Variants in MCTP1 observed in about 807,000 individuals in gnomAD.
MCTP1 encodes multiple C2 and transmembrane domain containing 1, also known as multiple C2 and transmembrane domain-containing protein 1.
A neutral mutation model predicts 120.6 loss-of-function variants in MCTP1; 69 were observed. The ratio of observed to expected loss-of-function variants is 0.57; its 90% CI spans 0.47 to 0.70. The LOEUF is 0.70. Among genes scored for constraint, MCTP1 ranks in the 30% least tolerant of loss-of-function variants. The pLI is 0.00. For missense variants in MCTP1, 1,203 were observed against 1,248.8 expected (o/e 0.96, Z 0.55); for synonymous variants, 529 against 493.1 (o/e 1.07, Z -0.96).
At chr5:94,777,521 T>C (rs1775638099) in intron 19 of MCTP1, among the ~76,000 whole-genome samples, 1 of 152,138 alleles carries the variant, frequency 6.6e-6, no homozygotes, top group South Asian at 2.1e-4. Context: ...AGGGTTTCCA[T>C]TTATTAACAT....
intron 1 of MCTP1, among the ~76,000 whole-genome samples, chr5:95,192,720 G>A (rs1398364256): frequency 6.6e-6 from 1 of 151,998 alleles, no homozygotes; most frequent in Non-Finnish European, 1.5e-5. Flanking sequence ...TTACCTATTG[G>A]TAATTTTCAG....
rs190600770 is a variant in MCTP1, at chr5:95,159,827, G to A, written c.720+124029C>T. 5.3e-4 allele frequency among the ~76,000 whole-genome samples: 80 copies of A among 152,224 alleles called. No individual in the cohort carries two copies. The Middle Eastern group carries it at 0.024, about 45-fold the overall frequency. On this transcript the variant is annotated intron_variant, in intron 1 of 22. Coordinates refer to ENST00000515393, the MANE Select transcript of MCTP1 (RefSeq NM_024717.7). ...AGGGAAGCATCAAGTTCTACCTAGAGTGATCATAGAGATCTTCTCTAAAGG... is the reference window on the plus strand; with the variant it reads ...AGGGAAGCATCAAGTTCTACCTAGAATGATCATAGAGATCTTCTCTAAAGG...
At chr5:95,120,176 CAA>C (rs56354602) in intron 1 of MCTP1, among the ~76,000 whole-genome samples, 2 of 118,222 alleles carry the variant, frequency 1.7e-5, no homozygotes, top group Non-Finnish European at 3.3e-5. Context: ...GACTCCATCT[CAA>C]AAAAAAAAAA....
chr5:94,739,513 G>T (rs934060090), intron 19 of MCTP1: 1 of 152,166 alleles, frequency 6.6e-6, no homozygotes, highest in Non-Finnish European at 1.5e-5. Flanking sequence ...CGAATAAGAA[G>T]ATGAGTTGAT....
At chr5:94,921,934 G>C (rs1335718494) in intron 7 of MCTP1, among the ~76,000 whole-genome samples, 11 of 152,190 alleles carry the variant, frequency 7.2e-5, no homozygotes, top group Admixed American at 1.3e-4. Flanking sequence ...GGACTCTACT[G>C]CTGTAAGTTC....
chr5:95,006,309 ATATATGTATG>A (rs1834744710), intron 2 of MCTP1, among the ~76,000 whole-genome samples: 1 of 151,432 alleles, frequency 6.6e-6, no homozygotes, highest in South Asian at 2.1e-4. Context: ...ATATATGTAT[ATATATGTATG>A]TATATGTATA....
intron 2 of MCTP1, 147 bp from the exon 3 acceptor site, chr5:94,953,508 T>G: frequency 3.9e-6 from 2 of 506,658 alleles, no homozygotes; most frequent in Non-Finnish European, 6.5e-6. Context: ...TGTTTTCTTA[T>G]GAATTTTTTA....
intron 1 of MCTP1, among the ~76,000 whole-genome samples, chr5:95,271,668 C>A (rs564784081): frequency 6.6e-6 from 1 of 151,976 alleles, no homozygotes; most frequent in Non-Finnish European, 1.5e-5. Context: ...AAGTATGATA[C>A]ACACTTACAG....
At chr5:95,209,535 T>C (rs889428530) in intron 1 of MCTP1, among the ~76,000 whole-genome samples, 14 of 152,184 alleles carry the variant, frequency 9.2e-5, no homozygotes, top group African/African-American at 3.4e-4. Context: ...ATAGCACAAC[T>C]TTCAATGCCA....
At chr5:95,142,607 T>C (rs1271145122) in intron 1 of MCTP1, among the ~76,000 whole-genome samples, 1 of 152,142 alleles carries the variant, frequency 6.6e-6, no homozygotes, top group Non-Finnish European at 1.5e-5. Flanking sequence ...AAGAAAAAAG[T>C]CATGAAAAGC....
chr5:95,184,163 A>T (rs960788130), intron 1 of MCTP1, among the ~76,000 whole-genome samples: 7 of 151,398 alleles, frequency 4.6e-5, no homozygotes, highest in African/African-American at 1.7e-4. Flanking sequence ...TAATAATAAT[A>T]ATAAAAAAAG....
chr5:95,259,439 C>T lies in MCTP1; in HGVS notation c.720+24417G>A, dbSNP rs931427615. Among the ~76,000 whole-genome samples, 4 of 152,174 alleles carry T rather than the reference C, an allele frequency of 2.6e-5. No individual in the cohort carries two copies. The South Asian group carries it at 8.3e-4, about 32-fold the overall frequency. On this transcript the variant is annotated intron_variant, in intron 1 of 22. Coordinates refer to ENST00000515393, the MANE Select transcript of MCTP1 (RefSeq NM_024717.7). Reference sequence around the variant, plus strand: ...TGGCCAGATTCCATATAGCCCCCCACTTTGTCTGGAGGCCTTAAATGGCTC... The same window carrying T: ...TGGCCAGATTCCATATAGCCCCCCATTTTGTCTGGAGGCCTTAAATGGCTC...
intron 19 of MCTP1, among the ~76,000 whole-genome samples, chr5:94,715,790 G>GA (rs1243869839): frequency 2.0e-5 from 3 of 152,210 alleles, no homozygotes; most frequent in Non-Finnish European, 4.4e-5. Context: ...ATCCAACCCT[G>GA]ATTCTATGAC....
intron 1 of MCTP1, among the ~76,000 whole-genome samples, chr5:95,143,144 C>T (rs975921668): frequency 2.0e-5 from 3 of 152,134 alleles, no homozygotes; most frequent in African/African-American, 4.8e-5. Context: ...ACCAGCCCAC[C>T]ATGAAGCCCT....
chr5:95,266,620 C>A (rs985173380), intron 1 of MCTP1, among the ~76,000 whole-genome samples: 1 of 152,180 alleles, frequency 6.6e-6, no homozygotes, highest in Admixed American at 6.5e-5. Context: ...GTTCTTGATA[C>A]CCTTTAGACT....
At chr5:95,104,998 T>C (rs1756988467) in intron 1 of MCTP1, among the ~76,000 whole-genome samples, 1 of 152,216 alleles carries the variant, frequency 6.6e-6, no homozygotes, top group South Asian at 2.1e-4. Context: ...TATTTCTACA[T>C]ATTTGTGTGC....
intron 1 of MCTP1, among the ~76,000 whole-genome samples, chr5:95,103,321 AT>A (rs528820513): frequency 9.4e-4 from 143 of 151,866 alleles, no homozygotes; most frequent in African/African-American, 3.2e-3. Context: ...GAAATTATAT[AT>A]TTTTTTTAAA....
intron 10 of MCTP1, among the ~76,000 whole-genome samples, chr5:94,897,277 T>C (rs1283961789): frequency 6.6e-6 from 1 of 151,384 alleles, no homozygotes; most frequent in African/African-American, 2.4e-5. Flanking sequence ...TTTTGTCATG[T>C]TGCCCAGGCT....
Position 94,704,520 on chromosome 5 carries a change from G to A in MCTP1, c.*2976C>T, listed in dbSNP as rs1263137682. The A allele has an allele frequency of 6.6e-6, 1 of 151,032 alleles. No individual in the cohort carries two copies. Among genetic ancestry groups the A allele is most frequent in the African/African-American group, 2.4e-5 (1 of 41,052 alleles). 9.4% of individuals were successfully genotyped at this position (151,032 alleles called of 1,614,324 possible). A position where few individuals can be genotyped will look rare whatever the true frequency, so the allele number is the denominator to read the frequency against. ...AGATCAAAGTGGAAAAAAAGCTCCT[G>A]TGGTCCCTAGATAAGCATTTACTTC... On this transcript the variant is annotated 3_prime_UTR_variant, in exon 23 of 23. Transcript: ENST00000515393.
Sources: allele counts gnomAD v4.1 joint callset (sites outside exome capture counted in the v4.1 genomes callset), GRCh38; gene constraint gnomAD v4.1.1; transcripts MANE v1.5; gene names NCBI Gene and HGNC (gene_info 2026-07-23, HGNC 2026-07-21).